MIGA1: variants seen among roughly 807,000 people sequenced by gnomAD.
MIGA1 encodes mitoguardin 1.
Under a neutral mutation model 82.0 loss-of-function variants are expected in MIGA1, and 58 were observed. That is an observed-to-expected ratio of 0.71 (90% CI 0.57 to 0.88). The LOEUF is 0.88. MIGA1 is among the 40% of genes least tolerant of loss of function. The probability of loss-of-function intolerance (pLI) is 0.00; values close to 1 mark genes in which losing one functional copy is unlikely to be tolerated. For missense variants in MIGA1, 751 were observed against 749.1 expected, an observed-to-expected ratio of 1.00 and a Z score of -0.03; for synonymous variants, 249 against 253.6, an observed-to-expected ratio of 0.98 and a Z score of 0.17.
chr1:77,848,476 G>A, intron 8 of MIGA1: 1 of 1,010,920 alleles, frequency 9.9e-7, no homozygotes, highest in South Asian at 1.5e-5. Context: ...TCTTCAGAAA[G>A]AAATCTTCAG....
At chr1:77,819,146 A>C (rs1683702385) in intron 7 of MIGA1, among the ~76,000 whole-genome samples, 2 of 152,032 alleles carry the variant, frequency 1.3e-5, no homozygotes, top group Non-Finnish European at 2.9e-5. Flanking sequence ...GGATATAAAT[A>C]TACCTATCAT....
intron 8 of MIGA1, among the ~76,000 whole-genome samples, chr1:77,849,763 C>T (rs528858675): frequency 2.5e-4 from 38 of 151,894 alleles, no homozygotes; most frequent in Non-Finnish European, 2.4e-4. Context: ...CATGGCCGTC[C>T]GTGGTGCTCA....
intron 7 of MIGA1, among the ~76,000 whole-genome samples, chr1:77,831,630 T>G (rs1009081929): frequency 6.6e-6 from 1 of 152,160 alleles, no homozygotes; most frequent in Non-Finnish European, 1.5e-5. Flanking sequence ...CAGGAATAAC[T>G]TATACTTTAG....
At chr1:77,847,058 C>T in intron 8 of MIGA1, 2 of 747,582 alleles carry the variant, frequency 2.7e-6, no homozygotes, top group Non-Finnish European at 4.9e-6. Flanking sequence ...TTATAGCAAT[C>T]CAGAAACTAC....
chr1:77,871,137 AGAGGGC>A (rs1685980334), intron 14 of MIGA1, among the ~76,000 whole-genome samples: 1 of 144,802 alleles, frequency 6.9e-6, no homozygotes. Flanking sequence ...AGGGAGAGGG[AGAGGGC>A]AGCACATTTT....
At chr1:77,853,919 TG>T in intron 8 of MIGA1, 1 of 256,264 alleles carries the variant, frequency 3.9e-6, no homozygotes, top group Non-Finnish European at 7.8e-6. Flanking sequence ...ATTAAGTTAT[TG>T]GGGTACAGGT....
chr1:77,866,531 T>C (rs1322555232), intron 14 of MIGA1, 140 bp downstream of exon 14: 4 of 730,428 alleles, frequency 5.5e-6, no homozygotes, highest in Non-Finnish European at 9.6e-6. Context: ...GATGAGTGAC[T>C]TACTGGTAGT....
chr1:77,865,433 A>C (rs1685627343), intron 13 of MIGA1, among the ~76,000 whole-genome samples: 2 of 152,272 alleles, frequency 1.3e-5, no homozygotes, highest in South Asian at 4.2e-4. Flanking sequence ...TCTATAAAAA[A>C]AATACAAAAA....
At chr1:77,865,222 G>T (rs989025414) in intron 13 of MIGA1, among the ~76,000 whole-genome samples, 1 of 150,294 alleles carries the variant, frequency 6.7e-6, no homozygotes, top group Non-Finnish European at 1.5e-5. Context: ...TGTCATGGTT[G>T]TATTTCCTAG....
At chr1:77,814,178 A>G (rs997305335) in intron 6 of MIGA1, among the ~76,000 whole-genome samples, 2 of 152,142 alleles carry the variant, frequency 1.3e-5, no homozygotes, top group Admixed American at 6.5e-5. Context: ...GCATGAGCCA[A>G]GGTGCTGACC....
intron 7 of MIGA1, among the ~76,000 whole-genome samples, chr1:77,829,897 C>T (rs1389753601): frequency 1.0e-4 from 15 of 148,654 alleles, no homozygotes; most frequent in African/African-American, 3.2e-4. Context: ...CACCCCCCAC[C>T]GTCATATGTC....
At chr1:77,811,336 G>A in intron 5 of MIGA1, 1 of 1,606,812 alleles carries the variant, frequency 6.2e-7, no homozygotes. Flanking sequence ...AACTCTAGCA[G>A]GAAAAGAATC....
At chr1:77,794,175 CTTAATA>C (rs1255577783) in intron 2 of MIGA1, among the ~76,000 whole-genome samples, 5 of 152,176 alleles carry the variant, frequency 3.3e-5, no homozygotes, top group African/African-American at 4.8e-5. Flanking sequence ...GTATTAACAT[CTTAATA>C]TTAATGTCTG....
At chr1:77,870,055 T>A (rs1685879272) in intron 14 of MIGA1, among the ~76,000 whole-genome samples, 2 of 102,038 alleles carry the variant, frequency 2.0e-5, no homozygotes, top group Admixed American at 9.0e-5. Flanking sequence ...GAGGCGCCCC[T>A]CACCTCCCGG....
chr1:77,842,097 AAAG>A (rs1241510027), intron 7 of MIGA1, among the ~76,000 whole-genome samples: 1 of 152,068 alleles, frequency 6.6e-6, no homozygotes, highest in Non-Finnish European at 1.5e-5. Context: ...GTTTCATTTT[AAAG>A]AAGATAGTGT....
At chr1:77,791,595 G>C (rs897912252) in intron 2 of MIGA1, among the ~76,000 whole-genome samples, 17 of 126,952 alleles carry the variant, frequency 1.3e-4, no homozygotes, top group Non-Finnish European at 1.1e-4. Context: ...ACAGAGTCTT[G>C]CTCTGTCACC....
chr1:77,800,641 A>G (rs551663996), intron 2 of MIGA1, among the ~76,000 whole-genome samples: 8 of 152,328 alleles, frequency 5.3e-5, no homozygotes, highest in African/African-American at 1.9e-4. Context: ...TAGTACTTGT[A>G]TAACTGTATT....
chr1:77,875,663 C>T lies in MIGA1; in HGVS notation c.*599C>T, dbSNP rs1646888322. On this transcript the variant is annotated 3_prime_UTR_variant, in exon 16 of 16. Coordinates refer to ENST00000370791, the MANE Select transcript of MIGA1 (RefSeq NM_198549.4). ...ATTGTTATAGAACATTTAAATGGGCCACTTGCAGTGGCTCATGCCTGTAAT... is the reference window on the plus strand; with the variant it reads ...ATTGTTATAGAACATTTAAATGGGCTACTTGCAGTGGCTCATGCCTGTAAT... 6.6e-6 allele frequency: 1 copy of T among 152,278 alleles called. No individual in the cohort carries two copies. Among genetic ancestry groups the T allele is most frequent in the South Asian group, 2.1e-4 (1 of 4,822 alleles). The allele number at this position is 152,278 out of a possible 1,614,324, so 9.4% of individuals were successfully genotyped here.
chr1:77,828,633 A>T (rs1469162485), intron 7 of MIGA1, among the ~76,000 whole-genome samples: 1 of 152,238 alleles, frequency 6.6e-6, no homozygotes, highest in South Asian at 2.1e-4. Flanking sequence ...CCTCAAATAT[A>T]TAAAGTACTA....
Sources: allele counts gnomAD v4.1 joint callset (sites outside exome capture counted in the v4.1 genomes callset), GRCh38; gene constraint gnomAD v4.1.1; transcripts MANE v1.5; gene names NCBI Gene and HGNC (gene_info 2026-07-23, HGNC 2026-07-21).